The following ATP9B variants were observed in gnomAD, a reference collection of about 807,000 sequenced individuals.
ATP9B encodes the protein probable phospholipid-transporting ATPase IIB.
A neutral mutation model predicts 146.1 loss-of-function variants in ATP9B; 110 were observed. The ratio of observed to expected loss-of-function variants is 0.75; its 90% CI spans 0.65 to 0.88. The LOEUF (loss-of-function observed/expected upper bound fraction) is 0.88. ATP9B is among the 40% of genes least tolerant of loss of function. ATP9B has a pLI of 0.00. For synonymous variants in ATP9B, 604 were observed against 569.7 expected (o/e 1.06, Z -0.86); for missense variants, 1,499 against 1,496.4 (o/e 1.00, Z -0.03).
chr18:79,275,136 A>G (rs2096293745), intron 12 of ATP9B, among the ~76,000 whole-genome samples: 2 of 152,236 alleles, frequency 1.3e-5, no homozygotes, highest in Admixed American at 6.5e-5. Flanking sequence ...ATAGAAAGCC[A>G]TGTTTTCCAA....
intron 14 of ATP9B, among the ~76,000 whole-genome samples, chr18:79,305,186 G>A (rs1599810129): frequency 1.3e-5 from 2 of 152,330 alleles, no homozygotes; most frequent in African/African-American, 4.8e-5. Flanking sequence ...TTTCAAACTT[G>A]ATTTTCGCAG....
At chr18:79,187,228 G>A (rs1162216315) in intron 8 of ATP9B, among the ~76,000 whole-genome samples, 2 of 152,150 alleles carry the variant, frequency 1.3e-5, no homozygotes, top group Non-Finnish European at 2.9e-5. Context: ...TCTGTTTCCT[G>A]TACTGAAATG....
At chr18:79,338,577 G>C (rs940399555) in intron 19 of ATP9B, among the ~76,000 whole-genome samples, 1 of 152,184 alleles carries the variant, frequency 6.6e-6, no homozygotes, top group South Asian at 2.1e-4. Flanking sequence ...TAGGCATCCT[G>C]ACCATCCTTC....
Position 79,302,475 on chromosome 18 carries a change from A to G in ATP9B, c.1412-1129A>G, listed in dbSNP as rs192781366. On this transcript the variant is annotated intron_variant, in intron 13 of 29. Transcript: ENST00000426216. ...GCACACACCCCCGGGGACAAGGTGA[A>G]AGCACCACACATCGCAGCACGCTAC... Among the ~76,000 whole-genome samples, 357 of 152,160 alleles carry G rather than the reference A, an allele frequency of 2.3e-3. 10 individuals carry two copies. The highest frequency in any genetic ancestry group is 0.023 in the Admixed American group (347 of 15,286).
chr18:79,113,284 T>C lies in ATP9B; in HGVS notation c.488T>C (p.Leu163Pro). 6.2e-7 allele frequency: 1 copy of C among 1,601,224 alleles called. No individual in the cohort carries two copies. The highest frequency in any genetic ancestry group is 1.3e-5 in the African/African-American group (1 of 74,800). ...QFKFFLNLYF[L>P]VISCSQFVPA... Reference sequence around the variant, plus strand: ...AAGTTTTTCTTGAATCTCTATTTTCTAGTAATATCCTGCTCACAGTTTGTA... The same window carrying C: ...AAGTTTTTCTTGAATCTCTATTTTCCAGTAATATCCTGCTCACAGTTTGTA... Residue 163 changes from leucine to proline, a missense_variant, in exon 4 of 30, where the codon CTA (leucine) becomes CCA (proline). Transcript: ENST00000426216.
chr18:79,265,642 T>C (rs781683349), intron 12 of ATP9B, among the ~76,000 whole-genome samples: 11 of 152,204 alleles, frequency 7.2e-5, no homozygotes, highest in Non-Finnish European at 1.5e-4. Flanking sequence ...ACTCTGTAGG[T>C]TGTCTGTTCA....
chr18:79,198,753 T>G (rs1286599980), intron 9 of ATP9B, among the ~76,000 whole-genome samples: 2 of 152,166 alleles, frequency 1.3e-5, no homozygotes, highest in Non-Finnish European at 2.9e-5. Flanking sequence ...ATGATACACC[T>G]GTATAGAGTA....
chr18:79,321,437 C>CGGT (rs1760489710), intron 15 of ATP9B, among the ~76,000 whole-genome samples: 3 of 150,266 alleles, frequency 2.0e-5, no homozygotes, highest in Admixed American at 1.3e-4. Flanking sequence ...GGCTGGAGTG[C>CGGT]GGTGGCACGA....
chr18:79,236,067 G>A lies in ATP9B; in HGVS notation c.1108-17314G>A, dbSNP rs115035756. On this transcript the variant is annotated intron_variant, in intron 11 of 29. Coordinates refer to ENST00000426216, the MANE Select transcript of ATP9B (RefSeq NM_198531.5). ...TCTGTATTCATTTCACATAATTCCGGTCTTCTAAAATTGTTGTACTGGTTT... is the reference window on the plus strand; with the variant it reads ...TCTGTATTCATTTCACATAATTCCGATCTTCTAAAATTGTTGTACTGGTTT... Among the ~76,000 whole-genome samples the A allele has an allele frequency of 4.5e-3, 680 of 152,160 alleles. 5 individuals carry two copies. The highest frequency in any genetic ancestry group is 0.016 in the African/African-American group (654 of 41,492).
At chr18:79,104,462 AC>A (rs1432806017) in intron 2 of ATP9B, among the ~76,000 whole-genome samples, 1 of 152,186 alleles carries the variant, frequency 6.6e-6, no homozygotes, top group Non-Finnish European at 1.5e-5. Flanking sequence ...CCAGCACTGT[AC>A]TAGTCAGGTA....
chr18:79,242,346 C>G (rs191052183), intron 11 of ATP9B, among the ~76,000 whole-genome samples: 1 of 152,090 alleles, frequency 6.6e-6, no homozygotes, highest in Non-Finnish European at 1.5e-5. Context: ...GAAGAATATC[C>G]TGATTTGAAG....
At chr18:79,226,209 A>G (rs2148530251) in intron 11 of ATP9B, among the ~76,000 whole-genome samples, 1 of 152,304 alleles carries the variant, frequency 6.6e-6, no homozygotes, top group Middle Eastern at 3.4e-3. Flanking sequence ...TGTAGGTTTG[A>G]TATGGTTCGT....
chr18:79,190,484 A>G (rs2095353531), intron 8 of ATP9B, among the ~76,000 whole-genome samples: 1 of 151,214 alleles, frequency 6.6e-6, no homozygotes, highest in Non-Finnish European at 1.5e-5. Context: ...TACACATATC[A>G]TAAACTGTTC....
At chr18:79,350,033 G>A (rs551121257) in intron 25 of ATP9B, among the ~76,000 whole-genome samples, 5 of 152,214 alleles carry the variant, frequency 3.3e-5, no homozygotes, top group South Asian at 2.1e-4. Flanking sequence ...GTTTGTCAGC[G>A]TGAACTTCAG....
At chr18:79,345,987 G>A in intron 23 of ATP9B, 148 bp downstream of exon 23, 1 of 874,774 alleles carries the variant, frequency 1.1e-6, no homozygotes, top group Non-Finnish European at 1.9e-6. Flanking sequence ...CAAACACTCA[G>A]CACATGCTTG....
intron 7 of ATP9B, among the ~76,000 whole-genome samples, chr18:79,163,722 A>G (rs530557780): frequency 5.9e-5 from 9 of 151,930 alleles, no homozygotes; most frequent in Non-Finnish European, 1.2e-4. Flanking sequence ...TTATTTAAAT[A>G]TATGTATGCG....
At chr18:79,324,609 C>T (rs1423510361) in intron 15 of ATP9B, among the ~76,000 whole-genome samples, 1 of 152,168 alleles carries the variant, frequency 6.6e-6, no homozygotes, top group Non-Finnish European at 1.5e-5. Flanking sequence ...CCCCACATCC[C>T]ACTACCTGGA....
intron 20 of ATP9B, among the ~76,000 whole-genome samples, chr18:79,342,672 C>G (rs4799045): frequency 0.38 from 58,367 of 151,764 alleles, 11,415 homozygotes; most frequent in Middle Eastern, 0.54. Flanking sequence ...ATGATCAAAG[C>G]TGCTTTTTGA....
chr18:79,128,549 A>G (rs541085418), intron 5 of ATP9B, among the ~76,000 whole-genome samples: 1 of 152,314 alleles, frequency 6.6e-6, no homozygotes, highest in Non-Finnish European at 1.5e-5. Flanking sequence ...AGGATGAAGA[A>G]GGTAAGCCTT....
Sources: gnomAD v4.1 joint callset for allele counts (sites outside exome capture counted in the v4.1 genomes callset) on GRCh38, gnomAD v4.1.1 for gene constraint, MANE v1.5 for transcripts, NCBI Gene and HGNC (gene_info 2026-07-23, HGNC 2026-07-21) for gene names.